Variants in PARD3 observed in about 807,000 individuals in gnomAD.
PARD3 encodes partitioning defective 3 homolog.
Under a neutral mutation model 155.4 loss-of-function variants are expected in PARD3, and 75 were observed. The ratio of observed to expected loss-of-function variants is 0.48; its 90% CI spans 0.40 to 0.58. PARD3 has a LOEUF of 0.58. Ranked by LOEUF, PARD3 falls within the 20% of genes least tolerant of loss-of-function variation. The pLI, the probability that PARD3 is intolerant of heterozygous loss-of-function variation, is 0.00. For missense variants in PARD3, 1,642 were observed against 1,721.7 expected (o/e 0.95, Z 0.82); for synonymous variants, 576 against 610.5 (o/e 0.94, Z 0.83).
intron 2 of PARD3, among the ~76,000 whole-genome samples, chr10:34,588,971 G>A (rs1451986248): frequency 6.6e-6 from 1 of 152,152 alleles, no homozygotes; most frequent in Non-Finnish European, 1.5e-5. Flanking sequence ...CATGGCTCAT[G>A]CCTATAATCC....
At chr10:34,323,876 C>T (rs1489095926) in intron 19 of PARD3, among the ~76,000 whole-genome samples, 1 of 152,172 alleles carries the variant, frequency 6.6e-6, no homozygotes, top group Non-Finnish European at 1.5e-5. Context: ...CAAATGACGG[C>T]CCACAGTGGA....
chr10:34,549,738 A>AGGTTC (rs2084385045), intron 2 of PARD3, among the ~76,000 whole-genome samples: 1 of 152,154 alleles, frequency 6.6e-6, no homozygotes, highest in African/African-American at 2.4e-5. Flanking sequence ...AAACAGGAAT[A>AGGTTC]AATTTCATTG....
chr10:34,183,872 T>C (rs2133213724), intron 22 of PARD3, among the ~76,000 whole-genome samples: 1 of 152,328 alleles, frequency 6.6e-6, no homozygotes, highest in South Asian at 2.1e-4. Context: ...GTTAATCCTA[T>C]CGGCATGAAA....
At chr10:34,607,818 G>A (rs984733124) in intron 2 of PARD3, among the ~76,000 whole-genome samples, 2 of 152,174 alleles carry the variant, frequency 1.3e-5, no homozygotes, top group Non-Finnish European at 2.9e-5. Context: ...AAAGCTTTGT[G>A]AGAAACATTT....
intron 22 of PARD3, among the ~76,000 whole-genome samples, chr10:34,195,094 A>G (rs1465530791): frequency 2.6e-5 from 4 of 152,240 alleles, no homozygotes; most frequent in Admixed American, 2.0e-4. Context: ...TATGCCAAAC[A>G]ATGTCTCTTA....
intron 2 of PARD3, among the ~76,000 whole-genome samples, chr10:34,582,825 CTAA>C (rs1452600107): frequency 6.6e-6 from 1 of 152,204 alleles, no homozygotes; most frequent in African/African-American, 2.4e-5. Context: ...GACAAGAATG[CTAA>C]TTGTACCTCA....
chr10:34,811,398 C>G (rs1844158171), intron 1 of PARD3, among the ~76,000 whole-genome samples: 1 of 152,190 alleles, frequency 6.6e-6, no homozygotes, highest in Non-Finnish European at 1.5e-5. Context: ...GATTCACACA[C>G]CTAGACCCCA....
chr10:34,788,212 G>A (rs184775093), intron 1 of PARD3, among the ~76,000 whole-genome samples: 90 of 152,002 alleles, frequency 5.9e-4, no homozygotes, highest in African/African-American at 2.1e-3. Flanking sequence ...ACATTCTCAG[G>A]AAAGAAAAAA....
intron 22 of PARD3, among the ~76,000 whole-genome samples, chr10:34,177,182 C>T (rs1384415731): frequency 6.6e-6 from 1 of 152,036 alleles, no homozygotes; most frequent in Non-Finnish European, 1.5e-5. Flanking sequence ...CAAGAAAGAG[C>T]AAAAGGATAT....
intron 21 of PARD3, among the ~76,000 whole-genome samples, chr10:34,270,195 C>T (rs1955547698): frequency 6.8e-6 from 1 of 148,010 alleles, no homozygotes; most frequent in Non-Finnish European, 1.5e-5. Flanking sequence ...GGCTGGAGGG[C>T]AGTGGCATGA....
intron 22 of PARD3, among the ~76,000 whole-genome samples, chr10:34,252,026 A>AT (rs1167212420): frequency 6.6e-6 from 1 of 152,222 alleles, no homozygotes; most frequent in African/African-American, 2.4e-5. Flanking sequence ...GAGACGGATG[A>AT]TAACATTTTT....
chr10:34,135,746 A>G (rs183142198), intron 22 of PARD3, among the ~76,000 whole-genome samples: 39 of 152,356 alleles, frequency 2.6e-4, no homozygotes, highest in East Asian at 2.3e-3. Flanking sequence ...GTTCTCATCT[A>G]TATGCACTGT....
intron 4 of PARD3, among the ~76,000 whole-genome samples, chr10:34,465,889 A>T (rs563996340): frequency 6.6e-6 from 1 of 152,130 alleles, no homozygotes; most frequent in Non-Finnish European, 1.5e-5. Context: ...GATAAATCAC[A>T]TGCTCTCCAC....
At chr10:34,522,601 A>C (rs1475586837) in intron 2 of PARD3, among the ~76,000 whole-genome samples, 1 of 152,040 alleles carries the variant, frequency 6.6e-6, no homozygotes, top group Non-Finnish European at 1.5e-5. Context: ...TAAAGAAGAC[A>C]GATGCAAAGC....
chr10:34,201,824 C>G (rs1951228734), intron 22 of PARD3, among the ~76,000 whole-genome samples: 1 of 152,186 alleles, frequency 6.6e-6, no homozygotes, highest in African/African-American at 2.4e-5. Flanking sequence ...TTCTGTTTCG[C>G]AAACATTCAC....
chr10:34,783,286 CAGGATATATTTT>C (rs1039964356), intron 1 of PARD3, among the ~76,000 whole-genome samples: 5 of 151,942 alleles, frequency 3.3e-5, no homozygotes, highest in African/African-American at 1.2e-4. Context: ...AGTTTTGCCT[CAGGATATATTTT>C]AATCATTTAA....
chr10:34,438,423 CAT>C (rs2076295700), intron 5 of PARD3, among the ~76,000 whole-genome samples: 1 of 152,054 alleles, frequency 6.6e-6, no homozygotes, highest in Admixed American at 6.6e-5. Flanking sequence ...TACAAATGTA[CAT>C]GTCTTCATCA....
chr10:34,676,204 C>T (rs571661054), intron 2 of PARD3, among the ~76,000 whole-genome samples: 1 of 152,268 alleles, frequency 6.6e-6, no homozygotes, highest in South Asian at 2.1e-4. Context: ...CCCAAAGAAG[C>T]GCACACAAAA....
Position 34,254,578 on chromosome 10 carries a change from G to C in PARD3, c.3419+15079C>G, listed in dbSNP as rs935086966. On this transcript the variant is annotated intron_variant, in intron 22 of 24. Coordinates refer to ENST00000374788, the MANE Select transcript of PARD3 (RefSeq NM_001184785.2). Reference sequence around the variant, plus strand: ...TGTGTGTGTGTGTGTGTGTGTGTGTGTATAAAAATTTAGCTCTTTCCCATT... The same window carrying C: ...TGTGTGTGTGTGTGTGTGTGTGTGTCTATAAAAATTTAGCTCTTTCCCATT... Among the ~76,000 whole-genome samples the C allele has an allele frequency of 3.7e-5, 5 of 133,990 alleles. No homozygotes were observed. In the East Asian group the frequency reaches 6.4e-4, roughly 17 times the overall value. 87.9% of individuals were successfully genotyped at this position (133,990 alleles called of 152,430 possible). A position where few individuals can be genotyped will look rare whatever the true frequency, so the allele number is the denominator to read the frequency against.
Sources: allele counts gnomAD v4.1 joint callset (sites outside exome capture counted in the v4.1 genomes callset), GRCh38; gene constraint gnomAD v4.1.1; transcripts MANE v1.5; gene names NCBI Gene and HGNC (gene_info 2026-07-23, HGNC 2026-07-21).